Variants in ENTHD1 observed in about 807,000 individuals in gnomAD.
ENTHD1 encodes the protein ENTH domain containing 1.
ENTHD1 carries 23 observed loss-of-function variants against 39.1 expected under a neutral mutation model. The ratio of observed to expected loss-of-function variants is 0.59; its 90% CI spans 0.42 to 0.83. The LOEUF (loss-of-function observed/expected upper bound fraction) is 0.83, where lower values mean the gene tolerates loss of function less well. ENTHD1 is among the 40% of genes least tolerant of loss of function. The pLI is 0.00. For synonymous variants in ENTHD1, 230 were observed against 258.2 expected, an observed-to-expected ratio of 0.89 and a Z score of 1.05; for missense variants, 624 against 705.4, an observed-to-expected ratio of 0.88 and a Z score of 1.31.
chr22:39,875,475 G>A (rs1294429501), intron 2 of ENTHD1: 10 of 1,556,442 alleles, frequency 6.4e-6, no homozygotes, highest in Admixed American at 2.0e-5. Context: ...GCCGTGCGCC[G>A]GCCTTTGGTC....
intron 2 of ENTHD1, among the ~76,000 whole-genome samples, chr22:39,864,546 A>C (rs1167743597): frequency 6.6e-6 from 1 of 152,156 alleles, no homozygotes; most frequent in African/African-American, 2.4e-5. Context: ...CCTCACCAAA[A>C]ATATAAGCTC....
intron 3 of ENTHD1, among the ~76,000 whole-genome samples, chr22:39,839,517 T>C (rs960501101): frequency 6.6e-6 from 1 of 152,224 alleles, no homozygotes; most frequent in African/African-American, 2.4e-5. Context: ...GAAAGTATGG[T>C]AGATGCCAGA....
chr22:39,887,501 T>A lies in ENTHD1; in HGVS notation c.248A>T (p.Lys83Met), dbSNP rs1221987913. 6.2e-7 allele frequency: 1 copy of A among 1,614,250 alleles called. No individual in the cohort carries two copies. The highest frequency in any genetic ancestry group is 1.1e-5 in the South Asian group (1 of 91,084). The change falls in exon 2 of 7, where the codon AAG becomes ATG. Residue 83 changes from lysine (K) to methionine (M), a missense_variant. Transcript: ENST00000325157. ...KSLTLMDYLI[K>M]NGSKKVIQHC... ...CTGAATAACTTTCTTTGATCCATTC[T>A]TGATGAGATAATCCATTAGGGTAAG...
At position 39,861,951 on chromosome 22, in the gene ENTHD1, A is replaced by G; in HGVS notation, c.406T>C (p.Leu136=). 1.3e-6 allele frequency: 2 copies of G among 1,580,570 alleles called. No individual in the cohort carries two copies. Among genetic ancestry groups the G allele is most frequent in the Non-Finnish European group, 8.6e-7 (1 of 1,157,828 alleles). ...QVITLLMDEP[L]LCKEREVACR... ...GCCACTTCCCTCTCTTTACACAGCA[A>G]TGGTTCATCCATCAGCAATGTGATG... Residue 136 remains leucine, a synonymous_variant, in exon 3 of 7, where the codon TTG becomes CTG. Coordinates refer to ENST00000325157, the MANE Select transcript of ENTHD1 (RefSeq NM_152512.4).
intron 4 of ENTHD1, among the ~76,000 whole-genome samples, chr22:39,833,019 T>A (rs1349700019): frequency 6.6e-6 from 1 of 152,150 alleles, no homozygotes; most frequent in Non-Finnish European, 1.5e-5. Context: ...TGGGGGCGAC[T>A]GGGGTAGGCT....
chr22:39,887,928 T>A (rs2066394740), intron 1 of ENTHD1, 25 bp from the exon 2 acceptor site: 1 of 526,874 alleles, frequency 1.9e-6, no homozygotes, highest in African/African-American at 1.9e-5. Context: ...CAAAAAAATT[T>A]ACATTAAACT....
intron 6 of ENTHD1, among the ~76,000 whole-genome samples, chr22:39,763,027 G>A (rs2065248189): frequency 6.6e-6 from 1 of 152,076 alleles, no homozygotes. Flanking sequence ...TCTTCTGGAA[G>A]GCAGATGGAA....
chr22:39,822,538 C>T (rs1032779749), intron 4 of ENTHD1, among the ~76,000 whole-genome samples: 7 of 152,000 alleles, frequency 4.6e-5, no homozygotes, highest in South Asian at 2.1e-4. Context: ...CTGTGTAGTT[C>T]CTCCCTCCTT....
At position 39,745,503 on chromosome 22, in the gene ENTHD1, C is replaced by T. The variant is rs570021608; in HGVS notation, c.1220-1220G>A. 1.2e-4 allele frequency among the ~76,000 whole-genome samples: 18 copies of T among 152,340 alleles called. No homozygotes were observed. The East Asian group carries it at 2.5e-3, about 21-fold the overall frequency. The stretch of plus-strand genomic sequence containing the variant: ...TTCAAAGCTTTCCATGGCCTATCTC[C>T]ACTTCTCAGGAAAAATTCCAATCAC... On this transcript the variant is annotated intron_variant, in intron 6 of 6. Coordinates refer to ENST00000325157, the MANE Select transcript of ENTHD1 (RefSeq NM_152512.4).
intron 5 of ENTHD1, among the ~76,000 whole-genome samples, chr22:39,804,636 G>T (rs960781456): frequency 6.6e-6 from 1 of 152,100 alleles, no homozygotes; most frequent in African/African-American, 2.4e-5. Context: ...TGGGTACCGT[G>T]TTAGGAACTG....
intron 5 of ENTHD1, among the ~76,000 whole-genome samples, chr22:39,812,015 C>CA (rs11388421): frequency 0.6 from 74,364 of 123,160 alleles, 19,925 homozygotes; most frequent in East Asian, 0.76. Flanking sequence ...AACAAACAAA[C>CA]AAAAAAAAAA....
chr22:39,801,436 G>C (rs1253525096), intron 5 of ENTHD1, among the ~76,000 whole-genome samples: 1 of 152,220 alleles, frequency 6.6e-6, no homozygotes, highest in Admixed American at 6.5e-5. Flanking sequence ...TAGAGTGGCT[G>C]TGTTGTACAA....
intron 1 of ENTHD1, 159 bp downstream of exon 1, chr22:39,893,531 TCACGC>T (rs1307814317): frequency 6.6e-6 from 1 of 152,204 alleles, no homozygotes; most frequent in Non-Finnish European, 1.5e-5. Flanking sequence ...TGGCGTCACG[TCACGC>T]CACAGGGATT....
At chr22:39,823,528 T>G (rs2065799116) in intron 4 of ENTHD1, among the ~76,000 whole-genome samples, 1 of 152,054 alleles carries the variant, frequency 6.6e-6, no homozygotes, top group Non-Finnish European at 1.5e-5. Flanking sequence ...TTTAATTTTT[T>G]TTTTTTAGAA....
intron 3 of ENTHD1, among the ~76,000 whole-genome samples, chr22:39,859,877 G>T (rs556428146): frequency 6.6e-6 from 1 of 152,294 alleles, no homozygotes; most frequent in South Asian, 2.1e-4. Context: ...TAAAATATAC[G>T]TTATCTGTGA....
chr22:39,801,458 T>C (rs1365308281), intron 5 of ENTHD1, among the ~76,000 whole-genome samples: 1 of 152,246 alleles, frequency 6.6e-6, no homozygotes, highest in Non-Finnish European at 1.5e-5. Context: ...AGTGCTATCA[T>C]ATTACACACT....
chr22:39,743,628 C>A lies in ENTHD1; in HGVS notation c.*51G>T. 6.6e-7 allele frequency: 1 copy of A among 1,522,726 alleles called. No homozygotes were observed. The highest frequency in any genetic ancestry group is 1.3e-5 in the South Asian group (1 of 74,400). 94.3% of individuals were successfully genotyped at this position (1,522,726 alleles called of 1,614,324 possible). A position where few individuals can be genotyped will look rare whatever the true frequency, so the allele number is the denominator to read the frequency against. On this transcript the variant is annotated 3_prime_UTR_variant, in exon 7 of 7. Coordinates refer to ENST00000325157, the MANE Select transcript of ENTHD1 (RefSeq NM_152512.4). ...GAATTTATACAATGCTAACGTAAGT[C>A]TTGGGGAAGTGGAACCACACGAGTT...
intron 5 of ENTHD1, among the ~76,000 whole-genome samples, chr22:39,807,611 C>A (rs1027252481): frequency 6.6e-6 from 1 of 151,290 alleles, no homozygotes; most frequent in Admixed American, 6.6e-5. Flanking sequence ...CCTCCCACCC[C>A]AGCCTCTCAC....
rs992446918 is a variant in ENTHD1, at chr22:39,780,580, A to G, written c.833-14971T>C. Among the ~76,000 whole-genome samples, 13 of 152,154 alleles carry G rather than the reference A, an allele frequency of 8.5e-5. 1 individual carries two copies. Among genetic ancestry groups the G allele is most frequent in the Admixed American group, 5.9e-4 (9 of 15,274 alleles). ...AAAGAGTGGGAGTAGTTATACTTAT[A>G]TCAGATAAAACAGACTACAAACCAA... On this transcript the variant is annotated intron_variant, in intron 5 of 6. Coordinates refer to ENST00000325157, the MANE Select transcript of ENTHD1 (RefSeq NM_152512.4).
Sources: allele counts gnomAD v4.1 joint callset (sites outside exome capture counted in the v4.1 genomes callset), GRCh38; gene constraint gnomAD v4.1.1; transcripts MANE v1.5; gene names NCBI Gene and HGNC (gene_info 2026-07-23, HGNC 2026-07-21).